ATL1: variants seen among roughly 807,000 people sequenced by gnomAD.
ATL1 encodes atlastin GTPase 1.
ATL1 carries 31 observed loss-of-function variants against 75.5 expected under a neutral mutation model. The observed-to-expected ratio is 0.41, with a 90% CI of 0.31 to 0.55. ATL1 has a LOEUF of 0.55. Among genes scored for constraint, ATL1 ranks in the 20% least tolerant of loss-of-function variants. The pLI is 0.27. For missense variants in ATL1, 405 were observed against 662.6 expected, an observed-to-expected ratio of 0.61 and a Z score of 4.27; for synonymous variants, 226 against 233.3, an observed-to-expected ratio of 0.97 and a Z score of 0.28.
At chr14:50,616,547 G>A (rs1338180267) in intron 8 of ATL1, among the ~76,000 whole-genome samples, 1 of 151,570 alleles carries the variant, frequency 6.6e-6, no homozygotes, top group Non-Finnish European at 1.5e-5. Context: ...GGCTGGTCTT[G>A]AACTCCTGGC....
intron 6 of ATL1, among the ~76,000 whole-genome samples, chr14:50,603,124 T>TA (rs146648640): frequency 6.6e-6 from 1 of 151,222 alleles, no homozygotes; most frequent in African/African-American, 2.4e-5. Context: ...GCATAAACCC[T>TA]AAAAAAAAAC....
At chr14:50,568,727 C>T (rs971557259) in intron 1 of ATL1, among the ~76,000 whole-genome samples, 5 of 152,064 alleles carry the variant, frequency 3.3e-5, no homozygotes, top group Admixed American at 6.6e-5. Context: ...TTCTATTTGT[C>T]TTATAGCTTT....
chr14:50,549,486 C>A (rs748272464), intron 1 of ATL1, among the ~76,000 whole-genome samples: 1 of 152,150 alleles, frequency 6.6e-6, no homozygotes, highest in Non-Finnish European at 1.5e-5. Flanking sequence ...TGGTCCTGTG[C>A]CCTGGAATGG....
intron 1 of ATL1, among the ~76,000 whole-genome samples, chr14:50,544,098 A>C (rs1024595970): frequency 6.6e-6 from 1 of 152,216 alleles, no homozygotes; most frequent in African/African-American, 2.4e-5. Flanking sequence ...CCAGGTATTC[A>C]CTAGGGTGTC....
At chr14:50,614,253 C>T in intron 7 of ATL1, 120 bp from the exon 8 acceptor site, 1 of 1,095,804 alleles carries the variant, frequency 9.1e-7, no homozygotes, top group Non-Finnish European at 1.4e-6. Context: ...TAGTAGCAGC[C>T]CTGTCGTGTC....
intron 2 of ATL1, among the ~76,000 whole-genome samples, chr14:50,589,313 C>T (rs1241191943): frequency 6.6e-6 from 1 of 151,940 alleles, no homozygotes; most frequent in Non-Finnish European, 1.5e-5. Flanking sequence ...CATGCGCCAC[C>T]ACATCTGGAT....
intron 1 of ATL1, among the ~76,000 whole-genome samples, chr14:50,586,798 C>G (rs926930942): frequency 1.3e-5 from 2 of 152,024 alleles, no homozygotes; most frequent in African/African-American, 4.8e-5. Context: ...TCCATGTGAA[C>G]TTGGACCTGT....
chr14:50,611,611 C>G (rs2039367171), intron 6 of ATL1, among the ~76,000 whole-genome samples: 1 of 151,984 alleles, frequency 6.6e-6, no homozygotes, highest in East Asian at 1.9e-4. Context: ...GACAAAAGAC[C>G]TGATCAGCCT....
chr14:50,569,875 G>C (rs2038939037), intron 1 of ATL1, among the ~76,000 whole-genome samples: 1 of 152,126 alleles, frequency 6.6e-6, no homozygotes, highest in African/African-American at 2.4e-5. Context: ...TCTGCCCACT[G>C]CTTTTTTGCT....
At chr14:50,607,064 C>T (rs898018645) in intron 6 of ATL1, among the ~76,000 whole-genome samples, 2 of 151,918 alleles carry the variant, frequency 1.3e-5, no homozygotes, top group African/African-American at 4.8e-5. Context: ...GCAACAAGAG[C>T]TCAATGAAGC....
At chr14:50,538,143 TC>T (rs2038517231) in intron 1 of ATL1, among the ~76,000 whole-genome samples, 3 of 152,166 alleles carry the variant, frequency 2.0e-5, no homozygotes, top group Admixed American at 2.0e-4. Context: ...CCTGTCATGT[TC>T]TCGTGATAGT....
intron 1 of ATL1, among the ~76,000 whole-genome samples, chr14:50,552,363 T>C (rs1224399057): frequency 6.6e-6 from 1 of 152,142 alleles, no homozygotes; most frequent in African/African-American, 2.4e-5. Flanking sequence ...AAAGAAATCA[T>C]AGATGACACA....
intron 7 of ATL1, among the ~76,000 whole-genome samples, chr14:50,614,049 G>A (rs1306410640): frequency 6.6e-6 from 1 of 152,066 alleles, no homozygotes; most frequent in Non-Finnish European, 1.5e-5. Context: ...TGGCTCCTAC[G>A]AGTGCTTTGA....
intron 6 of ATL1, among the ~76,000 whole-genome samples, chr14:50,608,006 C>T (rs1057235585): frequency 5.9e-5 from 9 of 152,084 alleles, no homozygotes; most frequent in South Asian, 2.1e-4. Context: ...TCCAAAGGGA[C>T]GCTAATAAAA....
chr14:50,574,741 G>A (rs2038984921), intron 1 of ATL1, among the ~76,000 whole-genome samples: 1 of 151,546 alleles, frequency 6.6e-6, no homozygotes, highest in Non-Finnish European at 1.5e-5. Context: ...TAATAGAGCT[G>A]TGAAATAATT....
intron 4 of ATL1, among the ~76,000 whole-genome samples, chr14:50,592,915 A>AC (rs904877415): frequency 3.1e-5 from 3 of 97,374 alleles, no homozygotes; most frequent in African/African-American, 1.4e-4. Context: ...TCCCGTCTCA[A>AC]AAAAAAAAAA....
intron 1 of ATL1, among the ~76,000 whole-genome samples, chr14:50,553,603 GTT>G (rs962583534): frequency 4.6e-5 from 7 of 152,250 alleles, no homozygotes; most frequent in African/African-American, 1.7e-4. Context: ...ACTACTGGGT[GTT>G]TACCCAAAGG....
At chr14:50,555,244 A>G (rs372822293), upstream of ATL1, among the ~76,000 whole-genome samples, 7 of 148,410 alleles carry the variant, frequency 4.7e-5, no homozygotes, top group African/African-American at 1.7e-4. Flanking sequence ...GAAGGCATGA[A>G]GAACTTTAGT....
intron 1 of ATL1, among the ~76,000 whole-genome samples, chr14:50,545,440 A>G (rs553322708): frequency 6.6e-5 from 10 of 152,196 alleles, no homozygotes; most frequent in Non-Finnish European, 1.3e-4. Flanking sequence ...TGGGAATCCC[A>G]GGGTGGTCGA....
Sources: allele counts gnomAD v4.1 joint callset (sites outside exome capture counted in the v4.1 genomes callset), GRCh38; gene constraint gnomAD v4.1.1; transcripts MANE v1.5; gene names NCBI Gene and HGNC (gene_info 2026-07-23, HGNC 2026-07-21).